Variants in KDELR3 observed in about 807,000 individuals in gnomAD.
KDELR3 encodes the protein KDEL endoplasmic reticulum protein retention receptor 3.
A neutral mutation model predicts 22.7 loss-of-function variants in KDELR3; 26 were observed. The observed-to-expected ratio is 1.15, with a 90% CI of 0.84 to 1.59. The LOEUF (loss-of-function observed/expected upper bound fraction) is 1.59. Among genes scored for constraint, KDELR3 ranks in the 40% most tolerant of loss-of-function variants. KDELR3 has a pLI of 0.00. For synonymous variants in KDELR3, 120 were observed against 98.2 expected (o/e 1.22, Z -1.31); for missense variants, 289 against 251.1 (o/e 1.15, Z -1.02).
intron 2 of KDELR3, among the ~76,000 whole-genome samples, chr22:38,476,951 C>T (rs535192005): frequency 6.6e-6 from 1 of 151,510 alleles, no homozygotes; most frequent in East Asian, 2.0e-4. Flanking sequence ...GCTCTGTCGC[C>T]CAGGGTGGAG....
chr22:38,473,632 T>A (rs2089538559), intron 1 of KDELR3, among the ~76,000 whole-genome samples: 1 of 152,232 alleles, frequency 6.6e-6, no homozygotes, highest in Non-Finnish European at 1.5e-5. Flanking sequence ...ATTGTTTGAT[T>A]TTTGTTTTGC....
At position 38,468,254 on chromosome 22, in the gene KDELR3, C is replaced by T. The variant is rs2089499292; in HGVS notation, c.21C>T (p.Leu7=). 6 of 1,613,710 alleles carry T rather than the reference C, an allele frequency of 3.7e-6. No homozygotes were observed. The South Asian group carries it at 4.4e-5, about 12-fold the overall frequency. The change falls in exon 1 of 5, where the codon CTC becomes CTT. Residue 7 remains leucine (L), a synonymous_variant. Coordinates refer to ENST00000216014, the MANE Select transcript of KDELR3 (RefSeq NM_006855.4). MNVFRI[L]GDLSHLLAMI... ...GGACCATGAACGTGTTCCGAATCCT[C>T]GGCGACCTGAGCCACCTCCTGGCCA...
chr22:38,478,647 T>TTTTTTTTG (rs2089577216), intron 2 of KDELR3, among the ~76,000 whole-genome samples: 2 of 96,060 alleles, frequency 2.1e-5, no homozygotes, highest in Non-Finnish European at 4.3e-5. Flanking sequence ...TTTTTTTTTT[T>TTTTTTTTG]TTTTTTTTTT....
intron 2 of KDELR3, among the ~76,000 whole-genome samples, chr22:38,477,418 T>C (rs1256215806): frequency 1.3e-5 from 2 of 151,006 alleles, no homozygotes; most frequent in East Asian, 3.9e-4. Flanking sequence ...TTGGCCGGGC[T>C]GGTCTCGAAC....
intron 3 of KDELR3, 125 bp downstream of exon 3, chr22:38,479,876 G>C (rs994597575): frequency 4.5e-6 from 4 of 892,942 alleles, no homozygotes; most frequent in African/African-American, 1.7e-5. Flanking sequence ...TCAGTTATAA[G>C]TTGAGAAGAA....
intron 2 of KDELR3, 48 bp downstream of exon 2, chr22:38,474,671 A>T (rs2089546489): frequency 6.8e-7 from 1 of 1,474,346 alleles, no homozygotes; most frequent in African/African-American, 1.4e-5. Flanking sequence ...AAGCCCCCAC[A>T]AACTGTGAGG....
intron 2 of KDELR3, among the ~76,000 whole-genome samples, chr22:38,478,629 ATTTTTTTTTTTTTTT>A (rs55884876): frequency 1.1e-4 from 5 of 43,560 alleles, no homozygotes; most frequent in South Asian, 1.4e-3. Flanking sequence ...AGCATCTGTG[ATTTTTTTTTTTTTTT>A]TTTTTTTTTT....
At chr22:38,474,815 G>T (rs1314727377) in intron 2 of KDELR3, among the ~76,000 whole-genome samples, 192 bp downstream of exon 2, 1 of 152,066 alleles carries the variant, frequency 6.6e-6, no homozygotes, top group African/African-American at 2.4e-5. Context: ...ATGAGGACAG[G>T]GCTGGGCACT....
At chr22:38,480,453 G>C (rs1207982079) in intron 3 of KDELR3, among the ~76,000 whole-genome samples, 2 of 152,124 alleles carry the variant, frequency 1.3e-5, no homozygotes, top group Non-Finnish European at 2.9e-5. Flanking sequence ...TAGATTTTAA[G>C]AAACTGTGGC....
chr22:38,471,996 C>T (rs763688269), intron 1 of KDELR3, among the ~76,000 whole-genome samples: 1 of 151,430 alleles, frequency 6.6e-6, no homozygotes, highest in Non-Finnish European at 1.5e-5. Flanking sequence ...TCTCCCACCC[C>T]AAATGTCTGG....
At chr22:38,477,956 ATT>A (rs2089571101) in intron 2 of KDELR3, among the ~76,000 whole-genome samples, 1 of 152,168 alleles carries the variant, frequency 6.6e-6, no homozygotes, top group South Asian at 2.1e-4. Context: ...TCATTCCAGC[ATT>A]TGTTTTGTGC....
At position 38,482,570 on chromosome 22, in the gene KDELR3, A is replaced by C. The variant is rs1244429594; in HGVS notation, c.*34A>C. 1 of 1,560,496 alleles carries C rather than the reference A, an allele frequency of 6.4e-7. No individual in the cohort carries two copies. Reference sequence around the variant, plus strand: ...AGAGACAGTCTACGCCTTAACAAGCACATGAAGGAAACTATTTTGAATGTT... The same window carrying C: ...AGAGACAGTCTACGCCTTAACAAGCCCATGAAGGAAACTATTTTGAATGTT... On this transcript the variant is annotated 3_prime_UTR_variant, in exon 5 of 5. Transcript: ENST00000216014.
chr22:38,481,172 T>TG (rs1335731626), intron 3 of KDELR3, 40 bp from the exon 4 acceptor site: 1 of 1,547,318 alleles, frequency 6.5e-7, no homozygotes, highest in South Asian at 1.2e-5. Context: ...GGCCTCTTCT[T>TG]GGTCTTGCTC....
At chr22:38,474,916 T>G (rs1266226128) in intron 2 of KDELR3, among the ~76,000 whole-genome samples, 1 of 151,146 alleles carries the variant, frequency 6.6e-6, no homozygotes, top group Non-Finnish European at 1.5e-5. Context: ...CTGTCTCTAC[T>G]AAAAATACAA....
At position 38,482,942 on chromosome 22, in the gene KDELR3, G is replaced by A. The variant is rs933780855; in HGVS notation, c.*406G>A. On this transcript the variant is annotated 3_prime_UTR_variant, in exon 5 of 5. Coordinates refer to ENST00000216014, the MANE Select transcript of KDELR3 (RefSeq NM_006855.4). ...AAGACCAGTTAAAATATTAGGGTAC[G>A]TTCTTGTGAATTTCCACTTTCCAGG... 2.9e-5 allele frequency: 5 copies of A among 172,580 alleles called. No individual in the cohort carries two copies. Among genetic ancestry groups the A allele is most frequent in the East Asian group, 3.2e-4 (2 of 6,346 alleles). 10.7% of individuals were successfully genotyped at this position (172,580 alleles called of 1,614,324 possible).
intron 3 of KDELR3, among the ~76,000 whole-genome samples, chr22:38,480,284 T>C (rs900419065): frequency 2.0e-5 from 3 of 152,038 alleles, no homozygotes; most frequent in African/African-American, 7.2e-5. Flanking sequence ...ACTGGGATTA[T>C]AGGCACGAGC....
intron 1 of KDELR3, among the ~76,000 whole-genome samples, chr22:38,470,791 C>T (rs1037213127): frequency 2.0e-5 from 3 of 152,146 alleles, no homozygotes; most frequent in Non-Finnish European, 4.4e-5. Context: ...CCCGGGTCTC[C>T]ATGTGCAGCT....
intron 1 of KDELR3, chr22:38,474,209 C>G (rs2089542912): frequency 4.0e-6 from 1 of 248,692 alleles, no homozygotes; most frequent in Non-Finnish European, 7.8e-6. Context: ...GCCCGACTCA[C>G]ACCACCCCCG....
At chr22:38,479,859 G>C in intron 3 of KDELR3, 108 bp downstream of exon 3, 2 of 961,460 alleles carry the variant, frequency 2.1e-6, no homozygotes, top group African/African-American at 1.6e-5. Flanking sequence ...CATTACTCAT[G>C]TATCTTTCAG....
Sources: gnomAD v4.1 joint callset for allele counts (sites outside exome capture counted in the v4.1 genomes callset) on GRCh38, gnomAD v4.1.1 for gene constraint, MANE v1.5 for transcripts, NCBI Gene and HGNC (gene_info 2026-07-23, HGNC 2026-07-21) for gene names.